Variants in EPC2 observed in about 807,000 individuals in gnomAD.
EPC2 encodes the protein enhancer of polycomb homolog 2.
EPC2 carries 14 observed loss-of-function variants against 92.1 expected under a neutral mutation model. The ratio of observed to expected loss-of-function variants is 0.15; its 90% confidence interval spans 0.10 to 0.24. The LOEUF (loss-of-function observed/expected upper bound fraction) is 0.24. Ranked by LOEUF, EPC2 falls within the 10% of genes least tolerant of loss-of-function variation. The pLI is 1.00. For missense variants in EPC2, 755 were observed against 971.5 expected (o/e 0.78, Z 2.96); for synonymous variants, 340 against 334.7 (o/e 1.02, Z -0.17).
chr2:148,667,726 T>C (rs750191222), intron 1 of EPC2, among the ~76,000 whole-genome samples: 2 of 152,164 alleles, frequency 1.3e-5, no homozygotes, highest in Non-Finnish European at 2.9e-5. Flanking sequence ...CTGAGAAAAA[T>C]AGTATTTCAC....
intron 1 of EPC2, among the ~76,000 whole-genome samples, chr2:148,672,887 A>G (rs1436453912): frequency 6.6e-6 from 1 of 152,192 alleles, no homozygotes; most frequent in East Asian, 1.9e-4. Context: ...GTCAGTAGCG[A>G]TGAACTCCCT....
intron 1 of EPC2, among the ~76,000 whole-genome samples, chr2:148,646,795 C>A (rs1249319008): frequency 6.6e-6 from 1 of 151,924 alleles, no homozygotes; most frequent in Admixed American, 6.5e-5. Flanking sequence ...TTACTTTGAT[C>A]CTATTATTTT....
At chr2:148,734,592 C>G (rs960786932) in intron 2 of EPC2, among the ~76,000 whole-genome samples, 24 of 152,160 alleles carry the variant, frequency 1.6e-4, no homozygotes, top group African/African-American at 5.3e-4. Context: ...ATAATAATTG[C>G]TTGCCTTTAT....
intron 1 of EPC2, among the ~76,000 whole-genome samples, chr2:148,684,732 C>T (rs554096101): frequency 6.6e-6 from 1 of 152,146 alleles, no homozygotes; most frequent in Admixed American, 6.5e-5. Flanking sequence ...TACATACCTG[C>T]GTGAGGTTTT....
chr2:148,769,849 C>T (rs1007125118), intron 8 of EPC2, among the ~76,000 whole-genome samples: 1 of 152,030 alleles, frequency 6.6e-6, no homozygotes, highest in Non-Finnish European at 1.5e-5. Flanking sequence ...GATCATTTAT[C>T]TTGCTATATA....
intron 2 of EPC2, among the ~76,000 whole-genome samples, chr2:148,718,807 C>A (rs1682306634): frequency 6.6e-6 from 1 of 152,134 alleles, no homozygotes; most frequent in African/African-American, 2.4e-5. Context: ...TGGGGAAGTT[C>A]TCCTAAATGA....
chr2:148,744,360 A>G (rs765099630), intron 3 of EPC2, among the ~76,000 whole-genome samples: 9 of 152,128 alleles, frequency 5.9e-5, no homozygotes, highest in Non-Finnish European at 1.2e-4. Flanking sequence ...AAGAAAAATA[A>G]TTAGAAAAAA....
At chr2:148,763,838 G>T (rs569245228) in intron 6 of EPC2, among the ~76,000 whole-genome samples, 1 of 152,160 alleles carries the variant, frequency 6.6e-6, no homozygotes, top group Non-Finnish European at 1.5e-5. Context: ...GTATGTGATT[G>T]TTAAGCATTG....
chr2:148,698,694 C>CTTTTTT lies in EPC2; in HGVS notation c.313+8334_313+8339dup, dbSNP rs386355296. 1.3e-3 allele frequency among the ~76,000 whole-genome samples: 116 copies of CTTTTTT among 88,188 alleles called. 1 individual carries two copies. The highest frequency in any genetic ancestry group is 9.2e-3 in the East Asian group (23 of 2,506). 57.9% of individuals were successfully genotyped at this position (88,188 alleles called of 152,430 possible). A position where few individuals can be genotyped will look rare whatever the true frequency, so the allele number is the denominator to read the frequency against. ...CTCTGATAGAAACTAAGAAAGTAAG[C>CTTTTTT]TTTTTTTTTTTTTTTTTTGAGAAGC... On this transcript the variant is annotated intron_variant, in intron 2 of 13. Transcript: ENST00000258484.
chr2:148,733,090 A>ATTTTTTATTTTTTTTTTTTTTTGAGACGG (rs1553447676), intron 2 of EPC2, among the ~76,000 whole-genome samples: 2 of 150,678 alleles, frequency 1.3e-5, no homozygotes. Context: ...TTTATTTTTT[A>ATTTTTTATTTTTTTTTTTTTTTGAGACGG]AAGAATAATA....
At chr2:148,671,873 G>T (rs1681162498) in intron 1 of EPC2, among the ~76,000 whole-genome samples, 1 of 151,862 alleles carries the variant, frequency 6.6e-6, no homozygotes. Context: ...GGTGTACAGT[G>T]TATAGTTGAG....
At chr2:148,712,057 A>C (rs1260342324) in intron 2 of EPC2, among the ~76,000 whole-genome samples, 1 of 152,118 alleles carries the variant, frequency 6.6e-6, no homozygotes, top group Non-Finnish European at 1.5e-5. Flanking sequence ...TAGACCATTG[A>C]TATTTAAAGT....
At chr2:148,742,784 CAAAA>C (rs5835210) in intron 2 of EPC2, among the ~76,000 whole-genome samples, 5 of 135,104 alleles carry the variant, frequency 3.7e-5, no homozygotes, top group Non-Finnish European at 4.6e-5. Context: ...GACCTTGCCT[CAAAA>C]AAAAAAAAAA....
intron 1 of EPC2, among the ~76,000 whole-genome samples, chr2:148,681,881 C>T (rs769957078): frequency 1.3e-5 from 2 of 152,138 alleles, no homozygotes; most frequent in Admixed American, 6.5e-5. Context: ...ACCCCCTACC[C>T]GACAACAGGC....
At chr2:148,700,690 C>CT (rs77147387) in intron 2 of EPC2, among the ~76,000 whole-genome samples, 27,134 of 139,800 alleles carry the variant, frequency 0.19, 3,346 homozygotes, top group East Asian at 0.49. Context: ...GCCCTTTTTA[C>CT]TTTTTTTTTT....
intron 10 of EPC2, among the ~76,000 whole-genome samples, chr2:148,773,056 C>T (rs78199847): frequency 0.012 from 1,762 of 152,214 alleles, 16 homozygotes; most frequent in Non-Finnish European, 0.017. Context: ...CAGATATTTG[C>T]AGCTTTCTCC....
In EPC2 at chr2:148,644,969, G is replaced by GCCCGC. The variant is rs1327698009; in HGVS notation, c.-42_-38dup. The GCCCGC allele has an allele frequency of 1.1e-5, 10 of 922,362 alleles. No homozygotes were observed. The highest frequency in any genetic ancestry group is 1.6e-5 in the Non-Finnish European group (10 of 633,666). The allele number at this position is 922,362 out of a possible 1,614,324, so 57.1% of individuals were successfully genotyped here. A position where few individuals can be genotyped will look rare whatever the true frequency, so the allele number is the denominator to read the frequency against. ...CGGCGGGAGTCCTCCCCCCCTCCCC[G>GCCCGC]CCCGCCCCGCCGCCGCCGCCCGGGC... On this transcript the variant is annotated 5_prime_UTR_variant, in exon 1 of 14. Coordinates refer to ENST00000258484, the MANE Select transcript of EPC2 (RefSeq NM_015630.4).
At chr2:148,659,571 A>G (rs1680893665) in intron 1 of EPC2, among the ~76,000 whole-genome samples, 1 of 152,114 alleles carries the variant, frequency 6.6e-6, no homozygotes, top group Non-Finnish European at 1.5e-5. Flanking sequence ...TAATATTATT[A>G]CATTTAAGCA....
intron 1 of EPC2, among the ~76,000 whole-genome samples, chr2:148,669,500 G>C (rs1479151904): frequency 6.6e-6 from 1 of 152,140 alleles, no homozygotes; most frequent in African/African-American, 2.4e-5. Context: ...AACATGGCAA[G>C]ACCCTGTCTC....
Sources: allele counts gnomAD v4.1 joint callset (sites outside exome capture counted in the v4.1 genomes callset), GRCh38; gene constraint gnomAD v4.1.1; transcripts MANE v1.5; gene names NCBI Gene and HGNC (gene_info 2026-07-23, HGNC 2026-07-21).